The following ZNF536 variants were observed in gnomAD, a reference collection of about 807,000 sequenced individuals.
The protein encoded by ZNF536 is zinc finger protein 536.
In ZNF536, 13 loss-of-function variants were observed where a neutral mutation model predicts 84.5. The ratio of observed to expected loss-of-function variants is 0.15; its 90% CI spans 0.10 to 0.24. The LOEUF is 0.24. Ranked by LOEUF, ZNF536 falls within the 10% of genes least tolerant of loss-of-function variation. ZNF536 has a pLI of 1.00. For missense variants in ZNF536, 1,536 were observed against 1,747.5 expected, an observed-to-expected ratio of 0.88 and a Z score of 2.16; for synonymous variants, 811 against 742.5, an observed-to-expected ratio of 1.09 and a Z score of -1.50.
chr19:30,532,154 G>A (rs1295336660), intron 2 of ZNF536, among the ~76,000 whole-genome samples: 1 of 151,014 alleles, frequency 6.6e-6, no homozygotes, highest in Non-Finnish European at 1.5e-5. Flanking sequence ...TTTTGAGACA[G>A]AGTCTCACTC....
At chr19:30,527,946 C>G (rs138263514) in intron 2 of ZNF536, among the ~76,000 whole-genome samples, 1 of 152,130 alleles carries the variant, frequency 6.6e-6, no homozygotes, top group African/African-American at 2.4e-5. Flanking sequence ...CTTCTTCACC[C>G]CTTAGACTCC....
At chr19:30,277,352 G>A (rs1027175953) in intron 1 of ZNF536, among the ~76,000 whole-genome samples, 17 of 152,056 alleles carry the variant, frequency 1.1e-4, no homozygotes, top group Admixed American at 6.6e-5. Context: ...ATGAGAGGAA[G>A]CCTCTCCACT....
intron 1 of ZNF536, among the ~76,000 whole-genome samples, chr19:30,691,030 C>G (rs1457064380): frequency 6.6e-6 from 1 of 152,148 alleles, no homozygotes; most frequent in African/African-American, 2.4e-5. Context: ...CTGCTGCTTA[C>G]GGTCTGAGCT....
At chr19:30,321,304 C>T (rs1358226053) in intron 2 of ZNF536, among the ~76,000 whole-genome samples, 3 of 152,240 alleles carry the variant, frequency 2.0e-5, no homozygotes, top group Non-Finnish European at 2.9e-5. Flanking sequence ...CGCCTGTAAT[C>T]CCAGCACTTT....
intron 1 of ZNF536, among the ~76,000 whole-genome samples, chr19:30,603,222 G>A (rs1329347080): frequency 6.6e-6 from 1 of 152,194 alleles, no homozygotes; most frequent in Non-Finnish European, 1.5e-5. Flanking sequence ...GAATCCCCCA[G>A]GTCTGGCACA....
At chr19:30,698,921 C>G (rs1197147287) in intron 1 of ZNF536, among the ~76,000 whole-genome samples, 1 of 152,196 alleles carries the variant, frequency 6.6e-6, no homozygotes, top group African/African-American at 2.4e-5. Flanking sequence ...GTCAATCCTT[C>G]CCCCTGTATT....
At chr19:30,336,812 T>A (rs773715432) in intron 2 of ZNF536, among the ~76,000 whole-genome samples, 6 of 152,336 alleles carry the variant, frequency 3.9e-5, no homozygotes, top group Non-Finnish European at 7.4e-5. Context: ...TTTTTCATAT[T>A]CAATTATGAA....
intron 2 of ZNF536, among the ~76,000 whole-genome samples, chr19:30,499,940 C>A (rs192210038): frequency 7.2e-4 from 110 of 152,266 alleles, no homozygotes; most frequent in African/African-American, 2.3e-3. Flanking sequence ...GTGTGCAAGT[C>A]TAAGTGTGTG....
upstream of ZNF536, among the ~76,000 whole-genome samples, chr19:30,226,891 T>C (rs1033329962): frequency 6.6e-6 from 1 of 151,906 alleles, no homozygotes; most frequent in Non-Finnish European, 1.5e-5. The surrounding 1 kb of genome is among the most constrained non-coding windows in gnomAD (Gnocchi z 4.6). Context: ...GAATGATCTT[T>C]GCTGATAAGC....
In ZNF536 at chr19:30,527,727, G is replaced by A. The variant is rs540323560; in HGVS notation, c.2171-7120G>A. On this transcript the variant is annotated intron_variant, in intron 2 of 4. Transcript: ENST00000355537. ...TTTTAAATAATTAAAAAAAATAAAA[G>A]GGCCAGTTGTGATTGCTTTATTTGA... Among the ~76,000 whole-genome samples the A allele has an allele frequency of 5.9e-5, 9 of 152,032 alleles. No homozygotes were observed. In the South Asian group the frequency reaches 1.9e-3, roughly 32 times the overall value.
chr19:30,499,737 C>T (rs1455949912), intron 2 of ZNF536, among the ~76,000 whole-genome samples: 1 of 152,226 alleles, frequency 6.6e-6, no homozygotes, highest in African/African-American at 2.4e-5. Flanking sequence ...CATCTGTCCT[C>T]TGTTGTTAGC....
chr19:30,396,687 G>A (rs2049836088), intron 1 of ZNF536, among the ~76,000 whole-genome samples: 1 of 144,754 alleles, frequency 6.9e-6, no homozygotes, highest in Admixed American at 7.4e-5. Context: ...TGCAACCTCT[G>A]CCCCGCCGCC....
intron 1 of ZNF536, among the ~76,000 whole-genome samples, chr19:30,564,455 TG>T (rs1207886308): frequency 1.3e-5 from 2 of 151,290 alleles, no homozygotes; most frequent in Non-Finnish European, 2.9e-5. Flanking sequence ...GAAAGGATCC[TG>T]GCAGGGAACC....
chr19:30,321,386 G>A (rs764240733), intron 2 of ZNF536, among the ~76,000 whole-genome samples: 2 of 152,016 alleles, frequency 1.3e-5, no homozygotes, highest in Admixed American at 1.3e-4. Flanking sequence ...TTGAAACCCC[G>A]TCTCTACTGA....
At chr19:30,415,100 CCTT>C (rs1164406681) in intron 1 of ZNF536, among the ~76,000 whole-genome samples, 1 of 143,250 alleles carries the variant, frequency 7.0e-6, no homozygotes, top group Non-Finnish European at 1.5e-5. Flanking sequence ...TCCTCCTTCT[CCTT>C]CTTCCTCCTT....
intron 2 of ZNF536, among the ~76,000 whole-genome samples, chr19:30,483,812 A>C (rs1356271402): frequency 1.3e-5 from 2 of 151,948 alleles, no homozygotes; most frequent in Non-Finnish European, 2.9e-5. Flanking sequence ...TCTCATGAGA[A>C]CCTTCAGGGT....
intron 2 of ZNF536, among the ~76,000 whole-genome samples, chr19:30,290,844 C>G (rs962445391): frequency 1.3e-5 from 2 of 152,116 alleles, no homozygotes; most frequent in African/African-American, 4.8e-5. Flanking sequence ...CCCTTTGCCC[C>G]CCACCCACCA....
intron 1 of ZNF536, among the ~76,000 whole-genome samples, chr19:30,420,004 C>T (rs2050886098): frequency 6.6e-6 from 1 of 152,152 alleles, no homozygotes; most frequent in African/African-American, 2.4e-5. Flanking sequence ...TGAGTCATGA[C>T]CCAGTGCTTG....
intron 2 of ZNF536, among the ~76,000 whole-genome samples, chr19:30,351,333 G>C (rs1367392548): frequency 6.6e-6 from 1 of 152,146 alleles, no homozygotes; most frequent in Admixed American, 6.5e-5. Flanking sequence ...TCCAGTATAT[G>C]GTTTCAAAGA....
Sources: allele counts gnomAD v4.1 joint callset (sites outside exome capture counted in the v4.1 genomes callset), GRCh38; gene constraint gnomAD v4.1.1; non-coding constraint Gnocchi (gnomAD v3.1); transcripts MANE v1.5; gene names NCBI Gene and HGNC (gene_info 2026-07-23, HGNC 2026-07-21).